ZFR: variants seen among roughly 807,000 people sequenced by gnomAD.
ZFR encodes zinc finger RNA binding protein.
Under a neutral mutation model 130.7 loss-of-function variants are expected in ZFR, and 19 were observed. The ratio of observed to expected loss-of-function variants is 0.15; its 90% CI spans 0.10 to 0.21. The LOEUF (loss-of-function observed/expected upper bound fraction) is 0.21, where lower values mean the gene tolerates loss of function less well. Among genes scored for constraint, ZFR ranks in the 10% least tolerant of loss-of-function variants. The pLI is 1.00. For missense variants in ZFR, 872 were observed against 1,321.5 expected (o/e 0.66, Z 5.27); for synonymous variants, 466 against 456.9 (o/e 1.02, Z -0.25).
At chr5:32,399,177 A>G (rs1460303347) in intron 9 of ZFR, among the ~76,000 whole-genome samples, 2 of 151,924 alleles carry the variant, frequency 1.3e-5, no homozygotes, top group Non-Finnish European at 2.9e-5. Context: ...TGGGAGGCTG[A>G]GGCAGAAGAA....
intron 11 of ZFR, 136 bp downstream of exon 11, chr5:32,395,023 T>C: frequency 3.2e-6 from 4 of 1,251,892 alleles, no homozygotes; most frequent in Non-Finnish European, 4.2e-6. Flanking sequence ...TTCCTAGACC[T>C]AGGATCTTCC....
chr5:32,384,873 T>C (rs1251408627), intron 15 of ZFR, among the ~76,000 whole-genome samples: 1 of 152,152 alleles, frequency 6.6e-6, no homozygotes, highest in East Asian at 1.9e-4. Context: ...ACTATCTACA[T>C]TTACACAGTT....
intron 8 of ZFR, 99 bp from the exon 9 acceptor site, chr5:32,400,302 G>A: frequency 1.2e-6 from 1 of 852,146 alleles, no homozygotes; most frequent in Non-Finnish European, 1.7e-6. Context: ...TCTGCTAATA[G>A]TCAAACTCCT....
At chr5:32,377,836 T>G (rs2074581911) in intron 17 of ZFR, among the ~76,000 whole-genome samples, 1 of 151,940 alleles carries the variant, frequency 6.6e-6, no homozygotes, top group Admixed American at 6.6e-5. Flanking sequence ...GGATTACAGG[T>G]GCCCGCCACC....
chr5:32,430,166 A>T (rs1042692205), intron 2 of ZFR, among the ~76,000 whole-genome samples: 35 of 151,942 alleles, frequency 2.3e-4, no homozygotes, highest in African/African-American at 7.0e-4. Context: ...AAAGAAAAAA[A>T]TTTTTTTGAG....
At chr5:32,444,544 C>G in intron 1 of ZFR, 78 bp downstream of exon 1, 1 of 1,423,584 alleles carries the variant, frequency 7.0e-7, no homozygotes, top group Admixed American at 3.6e-5. Context: ...CGGAGCCTGC[C>G]CCAACCCCCG....
At position 32,412,173 on chromosome 5, in the gene ZFR, T is replaced by C. The variant is rs1051873471; in HGVS notation, c.784+2796A>G. ...ATTATAAAGGAAAAAGGTATCTTTA[T>C]AATGGAGAGATCTGATAGGCACAGC... On this transcript the variant is annotated intron_variant, in intron 5 of 19. Transcript: ENST00000265069. Among the ~76,000 whole-genome samples the C allele has an allele frequency of 3.9e-5, 6 of 152,324 alleles. 1 individual carries two copies. The highest frequency in any genetic ancestry group is 1.3e-4 in the Admixed American group (2 of 15,302).
At chr5:32,443,664 T>C (rs1754522881) in intron 2 of ZFR, among the ~76,000 whole-genome samples, 1 of 152,266 alleles carries the variant, frequency 6.6e-6, no homozygotes, top group Admixed American at 6.5e-5. Context: ...CGATGGAGCG[T>C]CTGGGGAAGA....
Position 32,417,658 on chromosome 5 carries a change from G to C in ZFR, c.555C>G (p.Tyr185Ter). 6.2e-7 allele frequency: 1 copy of C among 1,613,298 alleles called. No homozygotes were observed. The highest frequency in any genetic ancestry group is 8.5e-7 in the Non-Finnish European group (1 of 1,179,874). ...GTTAAGAAAACCCACCTGTCTGATA[G>C]TAAGTTTCAGCAACAGAAGGCTGAG... ...AQPQPSVAET[Y>*]YQTAPKAGYS... is the part of the protein sequence containing the mutation. Residue 185 changes from tyrosine (Y) to a stop codon, truncating the protein, a stop_gained, in exon 4 of 20, where the codon TAC becomes TAG. Transcript: ENST00000265069. LOFTEE classifies it high-confidence loss of function.
intron 2 of ZFR, among the ~76,000 whole-genome samples, chr5:32,443,887 T>TG (rs1357561102): frequency 2.0e-5 from 3 of 152,124 alleles, no homozygotes; most frequent in Non-Finnish European, 4.4e-5. Flanking sequence ...AGGCGGGGAC[T>TG]GGGGGGCCTG....
intron 16 of ZFR, chr5:32,379,521 TAAAA>T: frequency 3.5e-6 from 1 of 287,626 alleles, no homozygotes; most frequent in South Asian, 3.6e-5. Context: ...ACATTAGAAA[TAAAA>T]GAAAAAGTAA....
At chr5:32,420,302 T>C (rs1753921343) in intron 2 of ZFR, among the ~76,000 whole-genome samples, 199 bp from the exon 3 acceptor site, 1 of 150,308 alleles carries the variant, frequency 6.7e-6, no homozygotes, top group East Asian at 1.9e-4. Flanking sequence ...ATTTTCATTC[T>C]TTTTTTTTTA....
At chr5:32,427,908 C>A (rs770419673) in intron 2 of ZFR, among the ~76,000 whole-genome samples, 6 of 152,062 alleles carry the variant, frequency 3.9e-5, no homozygotes, top group African/African-American at 7.2e-5. Flanking sequence ...AACTGGATAT[C>A]CACACGAAAA....
rs370998112 is a variant in ZFR, at chr5:32,436,140, C to CTTTT, written c.137+8085_137+8088dup. The stretch of plus-strand genomic sequence containing the variant: ...TAAAGTTGGTAACCACAGTTGTATT[C>CTTTT]TTTTTTTTTTTTTTTTTTTTTTTTT... On this transcript the variant is annotated intron_variant, in intron 2 of 19. Transcript: ENST00000265069. Among the ~76,000 whole-genome samples, 38 of 91,798 alleles carry CTTTT rather than the reference C, an allele frequency of 4.1e-4. 5 individuals are homozygous for CTTTT. Among genetic ancestry groups the CTTTT allele is most frequent in the African/African-American group, 1.1e-3 (25 of 22,168 alleles). 60.2% of individuals were successfully genotyped at this position (91,798 alleles called of 152,430 possible). A position where few individuals can be genotyped will look rare whatever the true frequency, so the allele number is the denominator to read the frequency against.
chr5:32,410,205 G>A (rs867122300), intron 5 of ZFR, among the ~76,000 whole-genome samples: 8 of 142,910 alleles, frequency 5.6e-5, no homozygotes, highest in Admixed American at 7.6e-5. Context: ...TCATTTGAGC[G>A]CAGAAGGTGG....
intron 9 of ZFR, among the ~76,000 whole-genome samples, chr5:32,399,188 T>C (rs942015912): frequency 2.0e-5 from 3 of 151,928 alleles, no homozygotes; most frequent in South Asian, 4.1e-4. Flanking sequence ...GGCAGAAGAA[T>C]TGCTTGAACC....
intron 14 of ZFR, among the ~76,000 whole-genome samples, chr5:32,387,214 A>AT (rs979597002): frequency 2.0e-4 from 30 of 150,918 alleles, no homozygotes; most frequent in South Asian, 8.4e-4. Flanking sequence ...TACACATGGG[A>AT]TTTTTTTTTT....
intron 10 of ZFR, among the ~76,000 whole-genome samples, chr5:32,395,586 G>A (rs1486985793): frequency 6.6e-6 from 1 of 152,030 alleles, no homozygotes; most frequent in Non-Finnish European, 1.5e-5. Flanking sequence ...TTTGACCCTT[G>A]AACAACAGGG....
chr5:32,420,284 G>A (rs757782803), intron 2 of ZFR, among the ~76,000 whole-genome samples, 181 bp from the exon 3 acceptor site: 3 of 151,726 alleles, frequency 2.0e-5, no homozygotes, highest in African/African-American at 4.8e-5. Context: ...ATTTATTACT[G>A]TTCTGTAATT....
Sources: allele counts gnomAD v4.1 joint callset (sites outside exome capture counted in the v4.1 genomes callset), GRCh38; gene constraint gnomAD v4.1.1; transcripts MANE v1.5; gene names NCBI Gene and HGNC (gene_info 2026-07-23, HGNC 2026-07-21).